SLC4A8: variants seen among roughly 807,000 people sequenced by gnomAD.
The protein encoded by SLC4A8 is solute carrier family 4 member 8.
Under a neutral mutation model 125.0 loss-of-function variants are expected in SLC4A8, and 40 were observed. The ratio of observed to expected loss-of-function variants is 0.32; its 90% CI spans 0.25 to 0.42. The LOEUF (loss-of-function observed/expected upper bound fraction) is 0.42. Among genes scored for constraint, SLC4A8 ranks in the 10% least tolerant of loss-of-function variants. SLC4A8 has a pLI of 1.00. For synonymous variants in SLC4A8, 456 were observed against 476.0 expected (o/e 0.96, Z 0.55); for missense variants, 863 against 1,355.1 (o/e 0.64, Z 5.70).
chr12:51,499,953 A>C (rs1022006707), intron 22 of SLC4A8, among the ~76,000 whole-genome samples: 1 of 152,176 alleles, frequency 6.6e-6, no homozygotes, highest in African/African-American at 2.4e-5. Context: ...GCAGCAGCTC[A>C]GGCAATAGGG....
At position 51,425,044 on chromosome 12, in the gene SLC4A8, C is replaced by G; in HGVS notation, c.48+9C>G. 1 of 1,552,654 alleles carries G rather than the reference C, an allele frequency of 6.4e-7. No homozygotes were observed. On this transcript the variant is annotated intron_variant, in intron 1 of 24. Coordinates refer to ENST00000453097, the MANE Select transcript of SLC4A8 (RefSeq NM_001039960.3). ...GCGTCCTCAGCTATCAGGTAGGGCC[C>G]CGCCTCCCGCGCCTCCCGCTCCTCC...
At chr12:51,423,481 C>A (rs1948841038), upstream of SLC4A8, among the ~76,000 whole-genome samples, 2 of 152,118 alleles carry the variant, frequency 1.3e-5, no homozygotes, top group Admixed American at 6.5e-5. Context: ...GCAATGAACA[C>A]TAAAACGCAG....
At chr12:51,452,339 G>T in intron 4 of SLC4A8, 80 bp downstream of exon 4, 1 of 1,493,802 alleles carries the variant, frequency 6.7e-7, no homozygotes, top group Non-Finnish European at 9.3e-7. Flanking sequence ...AGGCCTGCCT[G>T]CCTTATTTCT....
intron 16 of SLC4A8, among the ~76,000 whole-genome samples, chr12:51,478,837 G>A (rs1950935580): frequency 6.6e-6 from 1 of 152,212 alleles, no homozygotes; most frequent in South Asian, 2.1e-4. Context: ...TGTCTCATAG[G>A]AGCTTAATAC....
At chr12:51,438,030 A>G (rs1949474551) in intron 1 of SLC4A8, among the ~76,000 whole-genome samples, 2 of 152,208 alleles carry the variant, frequency 1.3e-5, no homozygotes, top group African/African-American at 4.8e-5. Context: ...TTTAAGTAAT[A>G]TTGTACATAT....
At chr12:51,468,653 G>A (rs573097729) in intron 11 of SLC4A8, among the ~76,000 whole-genome samples, 4 of 152,228 alleles carry the variant, frequency 2.6e-5, no homozygotes, top group East Asian at 3.9e-4. Context: ...CCAGCTACTC[G>A]GGAGGCTGAG....
At chr12:51,467,869 A>G (rs1349757244) in intron 11 of SLC4A8, among the ~76,000 whole-genome samples, 3 of 152,238 alleles carry the variant, frequency 2.0e-5, no homozygotes, top group Non-Finnish European at 4.4e-5. Flanking sequence ...TAATTAGGAC[A>G]TTAAAAAAAT....
chr12:51,445,407 A>G (rs901133735), intron 2 of SLC4A8, among the ~76,000 whole-genome samples: 2 of 152,186 alleles, frequency 1.3e-5, no homozygotes, highest in Admixed American at 6.5e-5. Flanking sequence ...AATGCAAGTG[A>G]TCCTCCTTCC....
At chr12:51,485,959 G>C (rs1174444218) in intron 17 of SLC4A8, 59 bp downstream of exon 17, 2 of 1,021,162 alleles carry the variant, frequency 2.0e-6, no homozygotes, top group Admixed American at 3.6e-5. Context: ...CTGATGCCAA[G>C]TAAATTTCAA....
chr12:51,443,504 G>T (rs1949666426), intron 2 of SLC4A8, among the ~76,000 whole-genome samples: 1 of 152,002 alleles, frequency 6.6e-6, no homozygotes, highest in Admixed American at 6.6e-5. Flanking sequence ...TCCATGATGT[G>T]CTTCAGTGGA....
chr12:51,396,989 G>A (rs1442773907), intron 1 of SLC4A8, among the ~76,000 whole-genome samples: 6 of 130,648 alleles, frequency 4.6e-5, no homozygotes, highest in East Asian at 2.2e-4. Context: ...GAATGCAGTC[G>A]CACGATCTCA....
chr12:51,455,388 C>A (rs1437751187), intron 5 of SLC4A8, among the ~76,000 whole-genome samples: 1 of 151,832 alleles, frequency 6.6e-6, no homozygotes, highest in East Asian at 1.9e-4. Flanking sequence ...CAGAGACATG[C>A]TTGATAATAA....
chr12:51,498,045 C>G (rs1005239964), intron 22 of SLC4A8, among the ~76,000 whole-genome samples: 1 of 150,082 alleles, frequency 6.7e-6, no homozygotes, highest in Non-Finnish European at 1.5e-5. Flanking sequence ...GAGATCCTAT[C>G]TCAAGAAAAA....
intron 19 of SLC4A8, among the ~76,000 whole-genome samples, chr12:51,493,012 A>G (rs1347882129): frequency 1.3e-5 from 2 of 152,164 alleles, no homozygotes; most frequent in African/African-American, 2.4e-5. Context: ...GAATATTTAT[A>G]TAGTCCCAAA....
intron 1 of SLC4A8, among the ~76,000 whole-genome samples, chr12:51,405,509 A>G (rs534825517): frequency 1.3e-5 from 2 of 152,330 alleles, no homozygotes; most frequent in East Asian, 3.9e-4. Context: ...ACCATTATAT[A>G]TAAATAATAC....
At chr12:51,507,046 A>G (rs1446297347) in intron 24 of SLC4A8, among the ~76,000 whole-genome samples, 1 of 152,094 alleles carries the variant, frequency 6.6e-6, no homozygotes, top group African/African-American at 2.4e-5. Context: ...TCTGGTGTTC[A>G]GTTTACTCAG....
chr12:51,506,784 G>C (rs1938191724), intron 24 of SLC4A8, among the ~76,000 whole-genome samples: 1 of 152,186 alleles, frequency 6.6e-6, no homozygotes, highest in African/African-American at 2.4e-5. Context: ...TTTACTAATA[G>C]CATAGATCAA....
intron 9 of SLC4A8, chr12:51,461,821 G>A (rs1025143982): frequency 3.6e-5 from 7 of 196,318 alleles, no homozygotes; most frequent in African/African-American, 1.7e-4. Context: ...CTGCAAAGTA[G>A]GGCTTTCAAG....
intron 1 of SLC4A8, among the ~76,000 whole-genome samples, chr12:51,408,676 G>T (rs1170571010): frequency 6.6e-6 from 1 of 152,180 alleles, no homozygotes; most frequent in Non-Finnish European, 1.5e-5. Context: ...ACCCGAGGCT[G>T]CCCAGGAGTA....
Sources: allele counts gnomAD v4.1 joint callset (sites outside exome capture counted in the v4.1 genomes callset), GRCh38; gene constraint gnomAD v4.1.1; transcripts MANE v1.5; gene names NCBI Gene and HGNC (gene_info 2026-07-23, HGNC 2026-07-21).